Variants in DIAPH2 observed in about 807,000 individuals in gnomAD.
DIAPH2 encodes protein diaphanous homolog 2.
A neutral mutation model predicts 92.7 loss-of-function variants in DIAPH2; 35 were observed. The ratio of observed to expected loss-of-function variants is 0.38; its 90% CI spans 0.29 to 0.50. The LOEUF (loss-of-function observed/expected upper bound fraction) is 0.50. Among genes scored for constraint, DIAPH2 ranks in the 20% least tolerant of loss-of-function variants. The pLI is 0.94. For synonymous variants in DIAPH2, 301 were observed against 280.4 expected (o/e 1.07, Z -0.73); for missense variants, 701 against 819.5 (o/e 0.86, Z 1.77).
chrX:96,973,084 G>A (rs967198342), intron 17 of DIAPH2, among the ~76,000 whole-genome samples: 1 of 111,819 alleles, frequency 8.9e-6, no homozygotes, highest in African/African-American at 3.3e-5. Flanking sequence ...CTGAAGTTTC[G>A]CTATTTGTGA....
chrX:96,849,452 C>T (rs1483302931), intron 4 of DIAPH2, among the ~76,000 whole-genome samples: 1 of 112,245 alleles, frequency 8.9e-6, no homozygotes, highest in African/African-American at 3.2e-5. Flanking sequence ...AGGCTTGAGG[C>T]AATGTGCCTG....
intron 22 of DIAPH2, among the ~76,000 whole-genome samples, chrX:97,214,474 GA>G (rs1165425950): frequency 4.4e-3 from 411 of 94,156 alleles, no homozygotes; most frequent in African/African-American, 0.011. Flanking sequence ...AAAAATTAAA[GA>G]AAAAAAAAAA....
intron 25 of DIAPH2, among the ~76,000 whole-genome samples, chrX:97,387,099 C>CT (rs370100846): frequency 3.6e-5 from 4 of 111,377 alleles, no homozygotes; most frequent in African/African-American, 1.3e-4. Context: ...GGGTCTCACT[C>CT]TGTCACCCAT....
chrX:97,081,515 A>G (rs762456588), intron 19 of DIAPH2, among the ~76,000 whole-genome samples: 2 of 112,477 alleles, frequency 1.8e-5, no homozygotes, highest in East Asian at 5.6e-4. Context: ...AAATGTTTTT[A>G]AAATATAAAA....
intron 23 of DIAPH2, among the ~76,000 whole-genome samples, chrX:97,312,690 G>C (rs1411055555): frequency 1.8e-5 from 2 of 111,204 alleles, no homozygotes; most frequent in Non-Finnish European, 3.8e-5. Flanking sequence ...CTTTTTGAAA[G>C]TAGAATGGAT....
At chrX:97,037,605 A>G (rs1264825715) in intron 17 of DIAPH2, among the ~76,000 whole-genome samples, 1 of 111,648 alleles carries the variant, frequency 9.0e-6, no homozygotes, top group African/African-American at 3.3e-5. Flanking sequence ...AACAAGTCAA[A>G]ATGCACCTTA....
In DIAPH2 at chrX:97,599,987, A is replaced by T. The variant is rs2071582554; in HGVS notation, c.*670A>T. On this transcript the variant is annotated 3_prime_UTR_variant, in exon 27 of 27. Transcript: ENST00000324765. ...ATTGCAAGCACTTCTCATTGCTAAA[A>T]ATAAATAAACCAAAGTTTAACCGAA... is the stretch of plus-strand genomic sequence containing the variant. 8.9e-6 allele frequency: 1 copy of T among 112,814 alleles called. No homozygotes were observed. The highest frequency in any genetic ancestry group is 3.2e-5 in the African/African-American group (1 of 31,029). 9.3% of individuals were successfully genotyped at this position (112,814 alleles called of 1,213,427 possible). A position where few individuals can be genotyped will look rare whatever the true frequency, so the allele number is the denominator to read the frequency against.
chrX:97,010,983 A>G (rs900502201), intron 17 of DIAPH2, among the ~76,000 whole-genome samples: 4 of 112,172 alleles, frequency 3.6e-5, no homozygotes, highest in African/African-American at 9.7e-5. Context: ...AAATCTTTAT[A>G]TCTTTCAAAA....
intron 21 of DIAPH2, among the ~76,000 whole-genome samples, chrX:97,128,154 T>C (rs1361708003): frequency 8.9e-6 from 1 of 111,882 alleles, no homozygotes; most frequent in Admixed American, 9.5e-5. Flanking sequence ...AGAACAGCCC[T>C]GAGGGCTGCT....
chrX:96,906,664 G>A (rs1002010486), intron 5 of DIAPH2, among the ~76,000 whole-genome samples: 17 of 112,134 alleles, frequency 1.5e-4, no homozygotes, highest in African/African-American at 5.5e-4. Flanking sequence ...ACCTAGATCT[G>A]TTTTCCTCTA....
At chrX:97,258,466 G>A (rs1205104928) in intron 23 of DIAPH2, among the ~76,000 whole-genome samples, 2 of 110,738 alleles carry the variant, frequency 1.8e-5, no homozygotes, top group Non-Finnish European at 3.8e-5. Flanking sequence ...CCAGCTACTC[G>A]GGAGGCTGAG....
chrX:97,067,648 C>T (rs748702670), intron 17 of DIAPH2, among the ~76,000 whole-genome samples: 1 of 111,662 alleles, frequency 9.0e-6, no homozygotes, highest in East Asian at 2.8e-4. Flanking sequence ...ACTCATCCAT[C>T]AACAATACGC....
At chrX:97,493,443 T>TAGAG (rs2147823852) in intron 26 of DIAPH2, among the ~76,000 whole-genome samples, 1 of 110,897 alleles carries the variant, frequency 9.0e-6, no homozygotes, top group South Asian at 3.9e-4. Context: ...TTATTTTTAG[T>TAGAG]AGAGACGGGG....
intron 25 of DIAPH2, among the ~76,000 whole-genome samples, chrX:97,414,494 T>TA (rs1256493388): frequency 9.2e-6 from 1 of 108,874 alleles, no homozygotes; most frequent in African/African-American, 3.3e-5. Context: ...ACTAAAAATA[T>TA]AAAAAATTAG....
chrX:97,264,973 A>G (rs1243281192), intron 23 of DIAPH2, among the ~76,000 whole-genome samples: 1 of 110,546 alleles, frequency 9.0e-6, no homozygotes, highest in Non-Finnish European at 1.9e-5. Context: ...ACAGAGGAAG[A>G]CTGTCTCAAA....
intron 17 of DIAPH2, among the ~76,000 whole-genome samples, chrX:97,056,922 T>G (rs1216267311): frequency 8.9e-6 from 1 of 112,079 alleles, no homozygotes; most frequent in Non-Finnish European, 1.9e-5. Flanking sequence ...TAATAGTCAT[T>G]TGGTGGACGA....
At chrX:97,069,164 T>C (rs1801927854) in intron 17 of DIAPH2, among the ~76,000 whole-genome samples, 1 of 110,772 alleles carries the variant, frequency 9.0e-6, no homozygotes, top group Non-Finnish European at 1.9e-5. Context: ...GATTTCACCA[T>C]ATTGGCCAGG....
intron 1 of DIAPH2, among the ~76,000 whole-genome samples, chrX:96,704,227 C>G (rs749554047): frequency 8.9e-6 from 1 of 112,311 alleles, no homozygotes; most frequent in African/African-American, 3.2e-5. Flanking sequence ...CATGAATCAT[C>G]TTTTGGTAGA....
chrX:96,922,843 C>G (rs1009423662), intron 9 of DIAPH2, among the ~76,000 whole-genome samples: 7 of 111,682 alleles, frequency 6.3e-5, no homozygotes, highest in African/African-American at 2.3e-4. Flanking sequence ...TTGCATAAGT[C>G]TGGGAAGGCT....
Sources: allele counts gnomAD v4.1 joint callset (sites outside exome capture counted in the v4.1 genomes callset), GRCh38; gene constraint gnomAD v4.1.1; transcripts MANE v1.5; gene names NCBI Gene and HGNC (gene_info 2026-07-23, HGNC 2026-07-21).